The following EAF2 variants were observed in gnomAD, a reference collection of about 807,000 sequenced individuals.
EAF2 encodes the protein ELL associated factor 2.
A neutral mutation model predicts 29.4 loss-of-function variants in EAF2; 29 were observed. The observed-to-expected ratio is 0.99, with a 90% CI of 0.73 to 1.35. The LOEUF (loss-of-function observed/expected upper bound fraction) is 1.35, where lower values mean the gene tolerates loss of function less well. Ranked by LOEUF, EAF2 falls within the 40% of genes most tolerant of loss-of-function variation. The probability of loss-of-function intolerance (pLI) is 0.00; values close to 1 mark genes in which losing one functional copy is unlikely to be tolerated. For missense variants in EAF2, 292 were observed against 312.0 expected (o/e 0.94, Z 0.48); for synonymous variants, 103 against 102.5 (o/e 1.00, Z -0.03).
At chr3:121,835,707 A>G (rs543656455) in intron 1 of EAF2, among the ~76,000 whole-genome samples, 15 of 152,318 alleles carry the variant, frequency 9.8e-5, no homozygotes, top group African/African-American at 3.1e-4. Context: ...AGGGGTGGAC[A>G]GGAAAATAAT....
chr3:121,843,964 G>A (rs1167698839), intron 1 of EAF2, among the ~76,000 whole-genome samples: 2 of 152,034 alleles, frequency 1.3e-5, no homozygotes, highest in Admixed American at 1.3e-4. Context: ...AGTGGTAGTA[G>A]AATGACAGAC....
chr3:121,882,631 T>G (rs1709208220), intron 5 of EAF2, among the ~76,000 whole-genome samples: 1 of 152,046 alleles, frequency 6.6e-6, no homozygotes, highest in Non-Finnish European at 1.5e-5. Flanking sequence ...TCTTAATTTG[T>G]AGGAATGTAA....
intron 2 of EAF2, among the ~76,000 whole-genome samples, chr3:121,851,101 G>A (rs1708624756): frequency 6.6e-6 from 1 of 152,080 alleles, no homozygotes; most frequent in Non-Finnish European, 1.5e-5. Flanking sequence ...ATTCCCCTAT[G>A]TTGAGGTGTT....
At chr3:121,838,446 C>T (rs1023142091) in intron 1 of EAF2, among the ~76,000 whole-genome samples, 2 of 152,036 alleles carry the variant, frequency 1.3e-5, no homozygotes, top group Non-Finnish European at 2.9e-5. Flanking sequence ...ACTTGAAACT[C>T]GGAAGTTATA....
chr3:121,840,144 C>T (rs560903095), intron 1 of EAF2, among the ~76,000 whole-genome samples: 3 of 138,460 alleles, frequency 2.2e-5, no homozygotes, highest in African/African-American at 8.3e-5. Flanking sequence ...GAGCCGAGAT[C>T]GCGCCGCTGC....
At chr3:121,873,548 G>A (rs1413599832) in intron 5 of EAF2, among the ~76,000 whole-genome samples, 1 of 151,510 alleles carries the variant, frequency 6.6e-6, no homozygotes, top group East Asian at 1.9e-4. Flanking sequence ...GCCCATTTTT[G>A]ATCCATTATG....
chr3:121,838,114 A>T (rs1189535421), intron 1 of EAF2, among the ~76,000 whole-genome samples: 1 of 152,234 alleles, frequency 6.6e-6, no homozygotes, highest in African/African-American at 2.4e-5. Context: ...ATGTGATGTT[A>T]CAGTTAAAAT....
chr3:121,880,484 G>A (rs1175466952), intron 5 of EAF2, among the ~76,000 whole-genome samples: 1 of 151,280 alleles, frequency 6.6e-6, no homozygotes, highest in Admixed American at 6.6e-5. Flanking sequence ...GTGTGTGTGT[G>A]TGTGTGTGTA....
chr3:121,863,176 T>G (rs1443894736), intron 4 of EAF2, among the ~76,000 whole-genome samples: 1 of 152,204 alleles, frequency 6.6e-6, no homozygotes, highest in Non-Finnish European at 1.5e-5. Context: ...CTGTCCGTTC[T>G]CAGATCTCAA....
intron 4 of EAF2, among the ~76,000 whole-genome samples, chr3:121,866,433 T>C (rs1232294629): frequency 1.3e-5 from 2 of 151,930 alleles, no homozygotes; most frequent in African/African-American, 4.8e-5. Flanking sequence ...TAATAGAAAA[T>C]TACCTGTCCT....
At chr3:121,846,778 C>G (rs928733701) in intron 2 of EAF2, among the ~76,000 whole-genome samples, 2 of 151,834 alleles carry the variant, frequency 1.3e-5, no homozygotes, top group South Asian at 4.1e-4. Flanking sequence ...CCATCCTCAT[C>G]CCTTGCATTG....
chr3:121,877,026 C>T lies in EAF2; in HGVS notation c.736+4238C>T, dbSNP rs545932321. Among the ~76,000 whole-genome samples the T allele has an allele frequency of 2.6e-5, 4 of 151,648 alleles. No individual in the cohort carries two copies. The South Asian group carries it at 8.3e-4, about 32-fold the overall frequency. ...AAATAAAGAGATAGAAAAAAAGATGCTAGCTAAGTAGTAATTATAACAAAA... is the reference window on the plus strand; with the variant it reads ...AAATAAAGAGATAGAAAAAAAGATGTTAGCTAAGTAGTAATTATAACAAAA... On this transcript the variant is annotated intron_variant, in intron 5 of 5. Transcript: ENST00000273668.
At chr3:121,860,819 T>A (rs1161293404) in intron 4 of EAF2, among the ~76,000 whole-genome samples, 1 of 152,222 alleles carries the variant, frequency 6.6e-6, no homozygotes, top group East Asian at 1.9e-4. Context: ...GTGCTGTAAA[T>A]TTCCCTCTAC....
rs548452237 is a variant in EAF2, at chr3:121,878,311, G to A, written c.736+5523G>A. ...CAATATACATATTTATGACTTACAC[G>A]TGATATTTTGATACCAGCATACAAT... is the stretch of plus-strand genomic sequence containing the variant. On this transcript the variant is annotated intron_variant, in intron 5 of 5. Transcript: ENST00000273668. Among the ~76,000 whole-genome samples, 12 of 152,074 alleles carry A rather than the reference G, an allele frequency of 7.9e-5. No individual in the cohort carries two copies. The South Asian group carries it at 2.1e-3, about 26-fold the overall frequency.
Position 121,854,637 on chromosome 3 carries a change from G to A in EAF2, c.202-50G>A, listed in dbSNP as rs375867514. 13 of 1,419,160 alleles carry A rather than the reference G, an allele frequency of 9.2e-6. No individual in the cohort carries two copies. The African/African-American group carries it at 1.8e-4, about 20-fold the overall frequency. The allele number at this position is 1,419,160 out of a possible 1,614,324, so 87.9% of individuals were successfully genotyped here. A position where few individuals can be genotyped will look rare whatever the true frequency, so the allele number is the denominator to read the frequency against. ...ATCAAGATTTCAAAGGCCTTCCCAA[G>A]TGAATTCCTATGATAAATTTTAAGT... On this transcript the variant is annotated intron_variant, in intron 2 of 5. Transcript: ENST00000273668.
At chr3:121,871,164 A>G (rs561007399) in intron 4 of EAF2, among the ~76,000 whole-genome samples, 65 of 151,606 alleles carry the variant, frequency 4.3e-4, no homozygotes, top group Non-Finnish European at 8.0e-4. Flanking sequence ...AACTTGTGGT[A>G]TATTTATATA....
At chr3:121,880,566 A>ATG (rs1431180266) in intron 5 of EAF2, among the ~76,000 whole-genome samples, 1 of 151,410 alleles carries the variant, frequency 6.6e-6, no homozygotes, top group Non-Finnish European at 1.5e-5. Flanking sequence ...TAATTTTTGT[A>ATG]TGTTGATTTT....
At chr3:121,874,281 T>C (rs565547761) in intron 5 of EAF2, among the ~76,000 whole-genome samples, 2 of 151,938 alleles carry the variant, frequency 1.3e-5, no homozygotes, top group African/African-American at 4.8e-5. Context: ...AGGCAGAGAA[T>C]TGGTAAACTA....
intron 4 of EAF2, among the ~76,000 whole-genome samples, chr3:121,871,356 C>A (rs1709010539): frequency 6.6e-6 from 1 of 151,500 alleles, no homozygotes; most frequent in African/African-American, 2.4e-5. Context: ...TAATAAAAGT[C>A]AAAATGGTGA....
Sources: gnomAD v4.1 joint callset for allele counts (sites outside exome capture counted in the v4.1 genomes callset) on GRCh38, gnomAD v4.1.1 for gene constraint, MANE v1.5 for transcripts, NCBI Gene and HGNC (gene_info 2026-07-23, HGNC 2026-07-21) for gene names.